The following EXOC6B variants were observed in gnomAD, a reference collection of about 807,000 sequenced individuals.
EXOC6B encodes the protein exocyst complex component 6B.
EXOC6B carries 54 observed loss-of-function variants against 113.5 expected under a neutral mutation model. The observed-to-expected ratio is 0.48, with a 90% CI of 0.38 to 0.60. The LOEUF (loss-of-function observed/expected upper bound fraction) is 0.60. EXOC6B is among the 20% of genes least tolerant of loss of function. The pLI is 0.00. For synonymous variants in EXOC6B, 357 were observed against 339.0 expected, an observed-to-expected ratio of 1.05 and a Z score of -0.58; for missense variants, 797 against 977.5, an observed-to-expected ratio of 0.82 and a Z score of 2.46.
intron 3 of EXOC6B, among the ~76,000 whole-genome samples, chr2:72,731,965 C>T (rs945476931): frequency 1.3e-5 from 2 of 152,194 alleles, no homozygotes; most frequent in Middle Eastern, 3.2e-3. Flanking sequence ...TAGTCCCAGC[C>T]TTGCCAATAA....
chr2:72,612,541 G>A (rs1671140299), intron 6 of EXOC6B, among the ~76,000 whole-genome samples: 1 of 151,964 alleles, frequency 6.6e-6, no homozygotes, highest in South Asian at 2.1e-4. Context: ...CATCAGGTGA[G>A]GTTTCTACGA....
chr2:72,663,540 T>C (rs1675171808), intron 6 of EXOC6B, among the ~76,000 whole-genome samples: 1 of 152,198 alleles, frequency 6.6e-6, no homozygotes, highest in African/African-American at 2.4e-5. Context: ...TTCGAAAATA[T>C]TTTCAACTAA....
intron 8 of EXOC6B, among the ~76,000 whole-genome samples, chr2:72,526,599 C>A (rs1465326752): frequency 6.6e-6 from 1 of 151,862 alleles, no homozygotes; most frequent in East Asian, 1.9e-4. Flanking sequence ...TATAAATAAT[C>A]TATTCCTTCA....
At chr2:72,283,263 A>T (rs6709114) in intron 20 of EXOC6B, among the ~76,000 whole-genome samples, 54,611 of 151,786 alleles carry the variant, frequency 0.36, 12,639 homozygotes, top group African/African-American at 0.66. Flanking sequence ...CAGAGACTTC[A>T]GTTTTCAGAT....
chr2:72,669,686 T>TGTGTGTTGCGGGAAAGC (rs1573590618), intron 6 of EXOC6B, among the ~76,000 whole-genome samples: 1 of 152,230 alleles, frequency 6.6e-6, no homozygotes, highest in East Asian at 1.9e-4. Flanking sequence ...CTATACAGTC[T>TGTGTGTTGCGGGAAAGC]GTGTGTTGCG....
At chr2:72,421,768 C>T (rs904990163) in intron 18 of EXOC6B, among the ~76,000 whole-genome samples, 7 of 152,208 alleles carry the variant, frequency 4.6e-5, no homozygotes, top group African/African-American at 1.7e-4. Flanking sequence ...ACTGTGGGAG[C>T]CCCTTTCTGG....
At chr2:72,587,504 C>A (rs1163716391) in intron 6 of EXOC6B, among the ~76,000 whole-genome samples, 1 of 152,014 alleles carries the variant, frequency 6.6e-6, no homozygotes, top group African/African-American at 2.4e-5. Context: ...CATTCACATC[C>A]CAAACCTTAG....
At chr2:72,720,127 C>T (rs967648201) in intron 5 of EXOC6B, among the ~76,000 whole-genome samples, 12 of 151,802 alleles carry the variant, frequency 7.9e-5, no homozygotes, top group African/African-American at 2.7e-4. Flanking sequence ...ATAGAACAAC[C>T]TCTAAAAAAC....
intron 8 of EXOC6B, among the ~76,000 whole-genome samples, chr2:72,550,482 C>T (rs1703148441): frequency 6.6e-6 from 1 of 152,146 alleles, no homozygotes; most frequent in Non-Finnish European, 1.5e-5. Context: ...TGAGTTTCTA[C>T]CACTAACTGT....
chr2:72,492,294 T>G (rs763000814), intron 16 of EXOC6B, 24 bp downstream of exon 16: 81 of 1,467,056 alleles, frequency 5.5e-5, no homozygotes, highest in Non-Finnish European at 7.1e-5. Flanking sequence ...CTGGCTCGGC[T>G]GCCTTCATTA....
intron 6 of EXOC6B, among the ~76,000 whole-genome samples, chr2:72,609,548 A>T (rs1670944783): frequency 6.6e-6 from 1 of 151,900 alleles, no homozygotes. Context: ...GACTAAACAA[A>T]CCAGAAGAAA....
chr2:72,648,000 A>G (rs1673866835), intron 6 of EXOC6B, among the ~76,000 whole-genome samples: 2 of 152,362 alleles, frequency 1.3e-5, no homozygotes, highest in South Asian at 4.1e-4. Flanking sequence ...GGAAACCTAC[A>G]GAATGGGAGA....
chr2:72,683,157 T>C (rs962765896), intron 6 of EXOC6B, among the ~76,000 whole-genome samples: 1 of 152,210 alleles, frequency 6.6e-6, no homozygotes, highest in Non-Finnish European at 1.5e-5. Context: ...ATATTTACTT[T>C]GAAAGCTTTT....
intron 17 of EXOC6B, among the ~76,000 whole-genome samples, chr2:72,470,591 A>G (rs1212337920): frequency 1.3e-5 from 2 of 151,712 alleles, no homozygotes; most frequent in African/African-American, 4.8e-5. Flanking sequence ...AGCATTAGGT[A>G]TATTTCCTAA....
chr2:72,631,453 TATATATATAGAGAGAGAGAG>T (rs1189898746), intron 6 of EXOC6B, among the ~76,000 whole-genome samples: 32 of 33,946 alleles, frequency 9.4e-4, no homozygotes, highest in African/African-American at 3.3e-3. Flanking sequence ...TATATATATA[TATATATATAGAGAGAGAGAG>T]AGAGAGAGAG....
At chr2:72,514,960 C>CAG in intron 9 of EXOC6B, 83 bp downstream of exon 9, 1 of 991,878 alleles carries the variant, frequency 1.0e-6, no homozygotes, top group Non-Finnish European at 1.5e-6. Context: ...CACAGACACA[C>CAG]ACACACACAC....
At chr2:72,363,339 CT>C (rs1690433161) in intron 19 of EXOC6B, among the ~76,000 whole-genome samples, 1 of 152,076 alleles carries the variant, frequency 6.6e-6, no homozygotes. Context: ...TAGTTACCAT[CT>C]GTAGAAAACA....
intron 20 of EXOC6B, among the ~76,000 whole-genome samples, chr2:72,223,685 T>TTTGTTTGTTTG (rs1681018345): frequency 1.3e-5 from 2 of 151,304 alleles, no homozygotes; most frequent in Non-Finnish European, 2.9e-5. Context: ...AAGGCCTGTT[T>TTTGTTTGTTTG]TTTGTTTGTT....
At chr2:72,721,651 C>T (rs1680017958) in intron 5 of EXOC6B, among the ~76,000 whole-genome samples, 1 of 151,706 alleles carries the variant, frequency 6.6e-6, no homozygotes, top group South Asian at 2.1e-4. Flanking sequence ...AAAAGATGCA[C>T]AGCAGTATGT....
Sources: gnomAD v4.1 joint callset for allele counts (sites outside exome capture counted in the v4.1 genomes callset) on GRCh38, gnomAD v4.1.1 for gene constraint, MANE v1.5 for transcripts, NCBI Gene and HGNC (gene_info 2026-07-23, HGNC 2026-07-21) for gene names.